Variants in UBE2F observed in about 807,000 individuals in gnomAD.
UBE2F encodes ubiquitin conjugating enzyme E2 F (putative), also known as NEDD8-conjugating enzyme UBE2F.
Under a neutral mutation model 29.6 loss-of-function variants are expected in UBE2F, and 5 were observed. The observed-to-expected ratio is 0.17, with a 90% confidence interval of 0.09 to 0.36. UBE2F has a LOEUF of 0.36. Among genes scored for constraint, UBE2F ranks in the 10% least tolerant of loss-of-function variants. The probability of loss-of-function intolerance (pLI) is 1.00; values close to 1 mark genes in which losing one functional copy is unlikely to be tolerated. For missense variants in UBE2F, 141 were observed against 228.5 expected, an observed-to-expected ratio of 0.62 and a Z score of 2.47; for synonymous variants, 66 against 81.8, an observed-to-expected ratio of 0.81 and a Z score of 1.04.
At chr2:237,991,605 C>CTTTTTTTTTT (rs1559207747) in intron 3 of UBE2F, among the ~76,000 whole-genome samples, 6 of 24,978 alleles carry the variant, frequency 2.4e-4, no homozygotes, top group Admixed American at 4.1e-4. Flanking sequence ...TCTTTTCTTT[C>CTTTTTTTTTT]TTTCTTTTTT....
At chr2:238,002,393 A>G (rs2063813915) in intron 4 of UBE2F, among the ~76,000 whole-genome samples, 1 of 152,154 alleles carries the variant, frequency 6.6e-6, no homozygotes, top group African/African-American at 2.4e-5. Context: ...AGCATTAGGT[A>G]TATCTCCCAA....
chr2:237,997,299 T>G (rs750698940), intron 4 of UBE2F, among the ~76,000 whole-genome samples: 43 of 152,236 alleles, frequency 2.8e-4, no homozygotes, highest in Non-Finnish European at 6.0e-4. Flanking sequence ...ATTCATATTT[T>G]TAATAAGTGT....
intron 9 of UBE2F, 114 bp downstream of exon 9, chr2:238,036,054 A>G (rs535924496): frequency 4.3e-6 from 4 of 940,098 alleles, no homozygotes; most frequent in Non-Finnish European, 6.7e-6. Context: ...GTGGGATGCA[A>G]GGCTGGAATT....
Position 237,967,060 on chromosome 2 carries a change from G to A in UBE2F, c.-89G>A, listed in dbSNP as rs2063068598. ...AGCCGGTGCGGCTGTGAGGGGCCGC[G>A]TCTCGCAGCAGCCGCCCGGACCGGG... On this transcript the variant is annotated 5_prime_UTR_variant, in exon 1 of 10. Transcript: ENST00000272930. This position sits in a 1 kb window ranked among gnomAD's most constrained non-coding sequence, Gnocchi z 6.3. 2.3e-6 allele frequency: 3 copies of A among 1,320,936 alleles called. No homozygotes were observed. The highest frequency in any genetic ancestry group is 2.9e-4 in the Middle Eastern group (1 of 3,432). 81.8% of individuals were successfully genotyped at this position (1,320,936 alleles called of 1,614,324 possible). A position where few individuals can be genotyped will look rare whatever the true frequency, so the allele number is the denominator to read the frequency against.
Position 238,041,365 on chromosome 2 carries a change from G to A in UBE2F, c.*27G>A. On this transcript the variant is annotated 3_prime_UTR_variant, in exon 10 of 10. Transcript: ENST00000272930. The stretch of plus-strand genomic sequence containing the variant: ...AAAAGGGGACGATTGCAGGCCCATG[G>A]ACTGTGTTACAGTTTGTCTCTAACA... 1 of 1,612,874 alleles carries A rather than the reference G, an allele frequency of 6.2e-7. No individual in the cohort carries two copies. Among genetic ancestry groups the A allele is most frequent in the Non-Finnish European group, 8.5e-7 (1 of 1,179,318 alleles).
Position 238,040,004 on chromosome 2 carries a change from C to T in UBE2F, c.508-1284C>T, listed in dbSNP as rs914225258. ...GTTTCTGCACAGTCCCCCTTTGTTG[C>T]GGGGTAAAGGCCCATGTGGGAGGCT... On this transcript the variant is annotated intron_variant, in intron 9 of 9. Coordinates refer to ENST00000272930, the MANE Select transcript of UBE2F (RefSeq NM_080678.3). This position sits in a 1 kb window ranked among gnomAD's most constrained non-coding sequence, Gnocchi z 4.4. Among the ~76,000 whole-genome samples the T allele has an allele frequency of 3.3e-5, 5 of 152,246 alleles. No individual in the cohort carries two copies. Among genetic ancestry groups the T allele is most frequent in the Non-Finnish European group, 4.4e-5 (3 of 68,004 alleles).
At chr2:237,968,353 TGGTC>T (rs1303678020) in intron 1 of UBE2F, among the ~76,000 whole-genome samples, 4 of 152,144 alleles carry the variant, frequency 2.6e-5, no homozygotes, top group Non-Finnish European at 5.9e-5. Flanking sequence ...GCTCCAAAGA[TGGTC>T]GGTCAACCAG....
At chr2:238,000,314 A>G (rs1043842860) in intron 4 of UBE2F, among the ~76,000 whole-genome samples, 1 of 151,640 alleles carries the variant, frequency 6.6e-6, no homozygotes, top group Non-Finnish European at 1.5e-5. Context: ...GCTCTTTGTT[A>G]TTTCCTTCCT....
chr2:238,010,878 G>A (rs2064007886), intron 4 of UBE2F, among the ~76,000 whole-genome samples: 1 of 152,162 alleles, frequency 6.6e-6, no homozygotes, highest in South Asian at 2.1e-4. Flanking sequence ...TGTGCCATCT[G>A]CAGTCCTTTT....
intron 2 of UBE2F, among the ~76,000 whole-genome samples, chr2:237,978,039 G>A (rs919214581): frequency 1.3e-5 from 2 of 152,100 alleles, no homozygotes. Flanking sequence ...AAGGCCCCAC[G>A]ACAGCCTCTG....
At chr2:238,013,137 GCACA>G (rs1249136854) in intron 4 of UBE2F, among the ~76,000 whole-genome samples, 1 of 152,128 alleles carries the variant, frequency 6.6e-6, no homozygotes, top group African/African-American at 2.4e-5. Flanking sequence ...GGGCGTGGTG[GCACA>G]CACCTGTAGT....
intron 4 of UBE2F, among the ~76,000 whole-genome samples, chr2:238,006,903 G>C (rs1421569291): frequency 6.6e-6 from 1 of 151,900 alleles, no homozygotes; most frequent in Non-Finnish European, 1.5e-5. Flanking sequence ...TTATAGGCAT[G>C]CACCACCACA....
At chr2:238,013,614 C>T (rs762999214) in intron 4 of UBE2F, among the ~76,000 whole-genome samples, 2 of 152,218 alleles carry the variant, frequency 1.3e-5, no homozygotes, top group Middle Eastern at 3.4e-3. Flanking sequence ...ATGTGGATGT[C>T]GGCCATCTAG....
rs2063574038 is a variant in UBE2F, at chr2:237,990,865, C to T, written c.148+2873C>T. On this transcript the variant is annotated intron_variant, in intron 3 of 9. Coordinates refer to ENST00000272930, the MANE Select transcript of UBE2F (RefSeq NM_080678.3). ...TCCTGGGCTCAAGTGATCCTCCCAC[C>T]TTGGCCTCCTAAAGAGCTGAGATGA... 2.0e-5 allele frequency among the ~76,000 whole-genome samples: 3 copies of T among 152,090 alleles called. No individual in the cohort carries two copies. The South Asian group carries it at 6.2e-4, about 32-fold the overall frequency.
chr2:238,000,744 GT>G (rs892888146), intron 4 of UBE2F, among the ~76,000 whole-genome samples: 5 of 152,126 alleles, frequency 3.3e-5, no homozygotes, highest in Admixed American at 3.3e-4. Context: ...CCGCCATTAA[GT>G]TTTCCAAAGT....
In UBE2F at chr2:237,973,211, A is replaced by G; in HGVS notation, c.104A>G (p.Lys35Arg). The G allele has an allele frequency of 1.2e-6, 2 of 1,613,706 alleles. No homozygotes were observed. The highest frequency in any genetic ancestry group is 1.7e-6 in the Non-Finnish European group (2 of 1,179,596). The change falls in exon 2 of 10, where the codon AAA becomes AGA. Residue 35 changes from lysine (K) to arginine (R), a missense_variant. Transcript: ENST00000272930. ...ACTCGGAGGGTTTCTGTGAGAGACA[A>G]ATTGCTTGTTAAAGGTAATGATCAT... ...DSTRRVSVRDKLLVKEVAELE... is the reference protein window; with the variant it reads ...DSTRRVSVRDRLLVKEVAELE...
intron 1 of UBE2F, among the ~76,000 whole-genome samples, chr2:237,971,799 T>TTAA (rs10695504): frequency 0.42 from 64,297 of 151,856 alleles, 13,894 homozygotes; most frequent in East Asian, 0.71. Context: ...TTATAATGTG[T>TTAA]TAATGTGGGT....
rs1331240885 is a variant in UBE2F at position 238,003,406 on chromosome 2, A to G, written c.214+8597A>G. ...TGATGCTTCTTTGCTTACTGTGCCT[A>G]CTGAGTAGGCCACCCCATCATCTGA... On this transcript the variant is annotated intron_variant, in intron 4 of 9. Transcript: ENST00000272930. 4 of 470,766 alleles carry G rather than the reference A, an allele frequency of 8.5e-6. No individual in the cohort carries two copies. The East Asian group carries it at 2.8e-4, about 33-fold the overall frequency. 29.2% of individuals were successfully genotyped at this position (470,766 alleles called of 1,614,324 possible).
At chr2:237,993,489 G>C (rs1490367826) in intron 3 of UBE2F, among the ~76,000 whole-genome samples, 2 of 152,172 alleles carry the variant, frequency 1.3e-5, no homozygotes, top group African/African-American at 4.8e-5. Context: ...AAGGTGAGTG[G>C]ATCACTTGAG....
Sources: gnomAD v4.1 joint callset for allele counts (sites outside exome capture counted in the v4.1 genomes callset) on GRCh38, gnomAD v4.1.1 for gene constraint, Gnocchi (gnomAD v3.1) non-coding constraint, MANE v1.5 for transcripts, NCBI Gene and HGNC (gene_info 2026-07-23, HGNC 2026-07-21) for gene names.